TLN2: variants seen among roughly 807,000 people sequenced by gnomAD.
TLN2 encodes talin-2.
A neutral mutation model predicts 294.7 loss-of-function variants in TLN2; 118 were observed. That is an observed-to-expected ratio of 0.40 (90% confidence interval 0.34 to 0.47). The LOEUF (loss-of-function observed/expected upper bound fraction) is 0.47, where lower values mean the gene tolerates loss of function less well. TLN2 is among the 20% of genes least tolerant of loss of function. TLN2 has a pLI of 0.84. For missense variants in TLN2, 3,083 were observed against 3,282.2 expected, an observed-to-expected ratio of 0.94 and a Z score of 1.48; for synonymous variants, 1,431 against 1,304.5, an observed-to-expected ratio of 1.10 and a Z score of -2.09.
chr15:62,507,852 C>T (rs995345302), intron 1 of TLN2, among the ~76,000 whole-genome samples: 17 of 152,150 alleles, frequency 1.1e-4, no homozygotes, highest in Non-Finnish European at 2.4e-4. Context: ...GTATGGGACT[C>T]TAAGGAGTGA....
At chr15:62,589,160 T>C (rs1433605503) in intron 1 of TLN2, among the ~76,000 whole-genome samples, 1 of 152,104 alleles carries the variant, frequency 6.6e-6, no homozygotes, top group Non-Finnish European at 1.5e-5. Flanking sequence ...CAATTGATTA[T>C]AGTGCTTCTC....
At chr15:62,702,541 T>C (rs367589374) in intron 18 of TLN2, among the ~76,000 whole-genome samples, 1 of 152,240 alleles carries the variant, frequency 6.6e-6, no homozygotes, top group South Asian at 2.1e-4. Context: ...GGCTCACTAA[T>C]TGGCCATTTC....
chr15:62,573,218 CA>C (rs2044059197), intron 1 of TLN2, among the ~76,000 whole-genome samples: 1 of 152,192 alleles, frequency 6.6e-6, no homozygotes, highest in Non-Finnish European at 1.5e-5. Context: ...TTGACCTCCT[CA>C]AAACCTCCCT....
chr15:62,709,816 C>A (rs558357978), intron 21 of TLN2, among the ~76,000 whole-genome samples: 2 of 152,056 alleles, frequency 1.3e-5, no homozygotes, highest in South Asian at 4.2e-4. Context: ...CTCACTGCAA[C>A]CTCCACCTCC....
chr15:62,673,560 G>A (rs1165929771), intron 9 of TLN2, among the ~76,000 whole-genome samples: 1 of 25,776 alleles, frequency 3.9e-5, no homozygotes, highest in Non-Finnish European at 7.4e-5. Flanking sequence ...ATATACTCTT[G>A]TGCTCTTTTT....
At chr15:62,693,422 C>T (rs778689677) in intron 13 of TLN2, among the ~76,000 whole-genome samples, 31 of 152,090 alleles carry the variant, frequency 2.0e-4, no homozygotes, top group Non-Finnish European at 3.8e-4. Context: ...TTGAGAATTC[C>T]TGCTTTTTCT....
chr15:62,574,599 A>C (rs1298312579), intron 1 of TLN2, among the ~76,000 whole-genome samples: 1 of 117,186 alleles, frequency 8.5e-6, no homozygotes, highest in Non-Finnish European at 1.9e-5. Flanking sequence ...AAAAAAAAAA[A>C]AAAAAAAAAA....
chr15:62,743,140 G>T (rs1015676189), intron 32 of TLN2, among the ~76,000 whole-genome samples: 2 of 152,168 alleles, frequency 1.3e-5, no homozygotes, highest in Non-Finnish European at 2.9e-5. Flanking sequence ...GCCTAGAACA[G>T]TCCTGCATAA....
In TLN2 at chr15:62,785,616, C is replaced by A. The variant is rs1269021163; in HGVS notation, c.5736+1726C>A. Among the ~76,000 whole-genome samples, 4 of 131,734 alleles carry A rather than the reference C, an allele frequency of 3.0e-5. No homozygotes were observed. The East Asian group carries it at 9.1e-4, about 30-fold the overall frequency. The allele number at this position is 131,734 out of a possible 152,430, so 86.4% of individuals were successfully genotyped here. On this transcript the variant is annotated intron_variant, in intron 45 of 58. Coordinates refer to ENST00000636159, the MANE Select transcript of TLN2 (RefSeq NM_015059.3). ...GCAGTGAGCCAAGACTATGCACTGC[C>A]CTTTAGCCTAGGCAACAGAATGAGA... is the stretch of plus-strand genomic sequence containing the variant.
intron 1 of TLN2, among the ~76,000 whole-genome samples, chr15:62,499,106 T>C (rs566697257): frequency 6.6e-6 from 1 of 152,194 alleles, no homozygotes; most frequent in South Asian, 2.1e-4. Context: ...TTCTAGGCCA[T>C]GTTTATATTT....
chr15:62,429,168 C>T (rs2456469), intron 1 of TLN2, among the ~76,000 whole-genome samples: 2 of 146,572 alleles, frequency 1.4e-5, no homozygotes, highest in East Asian at 4.2e-4. Flanking sequence ...ATCACTCAAG[C>T]GGGGTGCAGT....
intron 1 of TLN2, among the ~76,000 whole-genome samples, chr15:62,561,770 C>A (rs935868651): frequency 6.6e-6 from 1 of 152,126 alleles, no homozygotes; most frequent in African/African-American, 2.4e-5. Context: ...CTTTCCGACT[C>A]CCTGGGCCCA....
chr15:62,804,343 A>G (rs950952558), intron 50 of TLN2, among the ~76,000 whole-genome samples: 1 of 152,204 alleles, frequency 6.6e-6, no homozygotes, highest in Non-Finnish European at 1.5e-5. Context: ...CACGCCTGTA[A>G]TTCCAGCACT....
At chr15:62,489,459 A>G (rs1172912411) in intron 1 of TLN2, among the ~76,000 whole-genome samples, 1 of 152,214 alleles carries the variant, frequency 6.6e-6, no homozygotes, top group Non-Finnish European at 1.5e-5. Flanking sequence ...AACTTTTCAT[A>G]TAAACCATTA....
chr15:62,714,193 T>A (rs1054944562), intron 22 of TLN2, among the ~76,000 whole-genome samples: 15 of 83,774 alleles, frequency 1.8e-4, no homozygotes, highest in African/African-American at 5.3e-4. Context: ...GTGCACGTTT[T>A]TTTTTTTTTT....
chr15:62,697,942 T>C, intron 15 of TLN2, 74 bp downstream of exon 15: 1 of 1,530,070 alleles, frequency 6.5e-7, no homozygotes, highest in South Asian at 1.2e-5. Context: ...CCAGCGGCGG[T>C]GATGGGCTGA....
At chr15:62,699,401 A>G (rs962453074) in intron 16 of TLN2, among the ~76,000 whole-genome samples, 4 of 147,314 alleles carry the variant, frequency 2.7e-5, no homozygotes, top group African/African-American at 7.6e-5. Context: ...TTTTTTTTGG[A>G]TCTTGGGTAG....
At chr15:62,550,797 G>A (rs1466455438) in intron 1 of TLN2, among the ~76,000 whole-genome samples, 1 of 152,176 alleles carries the variant, frequency 6.6e-6, no homozygotes, top group Non-Finnish European at 1.5e-5. Flanking sequence ...ATGGTGTACT[G>A]TAGACTAGAG....
intron 1 of TLN2, among the ~76,000 whole-genome samples, chr15:62,430,039 A>G (rs1326274859): frequency 2.0e-5 from 3 of 152,228 alleles, no homozygotes; most frequent in Non-Finnish European, 4.4e-5. Flanking sequence ...TGATATTCCT[A>G]AACTAGTTTA....
Sources: allele counts gnomAD v4.1 joint callset (sites outside exome capture counted in the v4.1 genomes callset), GRCh38; gene constraint gnomAD v4.1.1; transcripts MANE v1.5; gene names NCBI Gene and HGNC (gene_info 2026-07-23, HGNC 2026-07-21).